NT5C2: variants seen among roughly 807,000 people sequenced by gnomAD.
The protein encoded by NT5C2 is 5'-nucleotidase, cytosolic II, also known as cytosolic purine 5'-nucleotidase.
In NT5C2, 58 loss-of-function variants were observed where a neutral mutation model predicts 76.1. The ratio of observed to expected loss-of-function variants is 0.76; its 90% CI spans 0.62 to 0.95. The LOEUF is 0.95. Ranked by LOEUF, NT5C2 falls within the 40% of genes least tolerant of loss-of-function variation. NT5C2 has a pLI of 0.00. For synonymous variants in NT5C2, 229 were observed against 237.4 expected, an observed-to-expected ratio of 0.96 and a Z score of 0.32; for missense variants, 478 against 690.3, an observed-to-expected ratio of 0.69 and a Z score of 3.45.
intron 2 of NT5C2, among the ~76,000 whole-genome samples, chr10:103,177,809 T>C (rs2090296066): frequency 6.6e-6 from 1 of 152,218 alleles, no homozygotes. Context: ...GAAATTCACA[T>C]AAAATTGGCC....
chr10:103,168,104 T>TA (rs572645262), intron 3 of NT5C2, among the ~76,000 whole-genome samples: 23,060 of 140,514 alleles, frequency 0.16, 1,792 homozygotes, highest in Middle Eastern at 0.23. Flanking sequence ...AAACTGCAAC[T>TA]AAAAAAAAAA....
At chr10:103,176,700 T>C (rs1016920385) in intron 2 of NT5C2, among the ~76,000 whole-genome samples, 1 of 152,138 alleles carries the variant, frequency 6.6e-6, no homozygotes, top group Non-Finnish European at 1.5e-5. Context: ...AGGGGGTCTC[T>C]ACAAAAAGTG....
At chr10:103,174,188 C>T (rs796311587) in intron 3 of NT5C2, among the ~76,000 whole-genome samples, 21 of 152,152 alleles carry the variant, frequency 1.4e-4, no homozygotes, top group African/African-American at 4.6e-4. Flanking sequence ...GGGGAGATCA[C>T]TTGAGGCCAG....
At position 103,183,262 on chromosome 10, in the gene NT5C2, G is replaced by GATACATATAT. The variant is rs1554841573; in HGVS notation, c.-168-1935_-168-1934insATATATGTAT. Among the ~76,000 whole-genome samples the GATACATATAT allele has an allele frequency of 1.0e-3, 77 of 73,372 alleles. 1 individual carries two copies. Among genetic ancestry groups the GATACATATAT allele is most frequent in the Non-Finnish European group, 1.4e-3 (59 of 42,638 alleles). The allele number at this position is 73,372 out of a possible 152,430, so 48.1% of individuals were successfully genotyped here. ...GAGATATATATATATGTGTGTGTGT[G>GATACATATAT]ATATATATATATATATATATATATA... On this transcript the variant is annotated intron_variant, in intron 1 of 18. Coordinates refer to ENST00000404739, the MANE Select transcript of NT5C2 (RefSeq NM_001351169.2).
intron 3 of NT5C2, among the ~76,000 whole-genome samples, chr10:103,144,057 C>T (rs1253245117): frequency 1.3e-5 from 2 of 152,136 alleles, no homozygotes; most frequent in African/African-American, 4.8e-5. Flanking sequence ...AAAGCATCTA[C>T]TTTATTATAT....
intron 4 of NT5C2, among the ~76,000 whole-genome samples, chr10:103,115,452 T>C (rs1214879917): frequency 6.6e-6 from 1 of 152,182 alleles, no homozygotes; most frequent in East Asian, 1.9e-4. Context: ...GAAAAATTCA[T>C]CTTAATAACT....
chr10:103,127,626 T>C (rs1482072700), intron 4 of NT5C2, among the ~76,000 whole-genome samples: 1 of 152,214 alleles, frequency 6.6e-6, no homozygotes, highest in African/African-American at 2.4e-5. Flanking sequence ...CAATTTCTCT[T>C]TTAACAAACT....
At position 103,098,931 on chromosome 10, in the gene NT5C2, A is replaced by G; in HGVS notation, c.687T>C (p.Asp229=). The part of the protein sequence containing the change: ...VENLEKYVVK[D]GKLPLLLSRM... ...ATCTATTTTCCCCTATATTACTTAC[A>G]TCTTTGACTACATACTTCTCAAGAT... Residue 229 remains aspartate, a splice_region_variant and synonymous_variant, in exon 10 of 19, where the codon GAT becomes GAC. Transcript: ENST00000404739. 1.2e-6 allele frequency: 2 copies of G among 1,600,748 alleles called. No individual in the cohort carries two copies. The highest frequency in any genetic ancestry group is 1.7e-6 in the Non-Finnish European group (2 of 1,169,194).
rs1189849998 is a variant in NT5C2, at chr10:103,178,897, CCT to C, written c.-25+2286_-25+2287del. Among the ~76,000 whole-genome samples the C allele has an allele frequency of 1.0e-4, 15 of 148,440 alleles. No homozygotes were observed. The South Asian group carries it at 2.1e-3, about 21-fold the overall frequency. On this transcript the variant is annotated intron_variant, in intron 2 of 18. Coordinates refer to ENST00000404739, the MANE Select transcript of NT5C2 (RefSeq NM_001351169.2). ...TTGCTCTGTAAACAGAGTGGTCATT[CCT>C]CTGTTTCCTCTACGTTTTCTCTGTA... is the stretch of plus-strand genomic sequence containing the variant.
rs1411931510 is a variant in NT5C2 at position 103,090,026 on chromosome 10, G to A, written c.1450-118C>T. On this transcript the variant is annotated intron_variant, in intron 18 of 18. Coordinates refer to ENST00000404739, the MANE Select transcript of NT5C2 (RefSeq NM_001351169.2). ...CAATTACATCTATAATGGACCACAG[G>A]ACAAGTCAATATAGACTTATCTTCA... The A allele has an allele frequency of 1.4e-6, 1 of 709,376 alleles. No homozygotes were observed. The highest frequency in any genetic ancestry group is 2.2e-5 in the South Asian group (1 of 45,708). 43.9% of individuals were successfully genotyped at this position (709,376 alleles called of 1,614,324 possible).
At chr10:103,152,392 T>C (rs1265021888) in intron 3 of NT5C2, among the ~76,000 whole-genome samples, 1 of 152,188 alleles carries the variant, frequency 6.6e-6, no homozygotes, top group Non-Finnish European at 1.5e-5. Flanking sequence ...CGTTATTCAA[T>C]AATGAAATCT....
At chr10:103,180,320 A>C (rs2135192637) in intron 2 of NT5C2, among the ~76,000 whole-genome samples, 1 of 152,354 alleles carries the variant, frequency 6.6e-6, no homozygotes. Flanking sequence ...AAAAGGCACA[A>C]GCACTCTGGA....
intron 3 of NT5C2, among the ~76,000 whole-genome samples, chr10:103,147,852 A>G (rs1214521350): frequency 6.6e-6 from 1 of 152,164 alleles, no homozygotes; most frequent in Admixed American, 6.5e-5. Context: ...TAATGGGTAC[A>G]GGGTTTCTTG....
At chr10:103,099,465 C>G (rs1480147042) in intron 9 of NT5C2, among the ~76,000 whole-genome samples, 6 of 152,104 alleles carry the variant, frequency 3.9e-5, no homozygotes, top group African/African-American at 1.2e-4. Flanking sequence ...TTGCTGCAAC[C>G]CTGCCTCTAA....
chr10:103,152,515 CA>C (rs2082581054), intron 3 of NT5C2, among the ~76,000 whole-genome samples: 2 of 151,882 alleles, frequency 1.3e-5, no homozygotes, highest in Admixed American at 6.6e-5. Context: ...TCTTACAGAA[CA>C]AAAGAACTAG....
chr10:103,100,205 G>C (rs567096514), intron 8 of NT5C2, among the ~76,000 whole-genome samples, 186 bp from the exon 9 acceptor site: 1 of 152,296 alleles, frequency 6.6e-6, no homozygotes, highest in East Asian at 1.9e-4. Context: ...GTGTTCAATG[G>C]AATACAGTAA....
intron 1 of NT5C2, among the ~76,000 whole-genome samples, chr10:103,192,908 G>A (rs967526716): frequency 6.6e-6 from 1 of 152,190 alleles, no homozygotes; most frequent in East Asian, 1.9e-4. Flanking sequence ...CGCGCTGGGA[G>A]GCTGAGGCGG....
At chr10:103,132,560 T>C (rs2078406976) in intron 4 of NT5C2, among the ~76,000 whole-genome samples, 1 of 152,128 alleles carries the variant, frequency 6.6e-6, no homozygotes, top group South Asian at 2.1e-4. Context: ...TCTTTTTTTT[T>C]TGAGACGGAA....
At chr10:103,134,542 CAGA>C (rs2078824416) in intron 4 of NT5C2, among the ~76,000 whole-genome samples, 1 of 152,194 alleles carries the variant, frequency 6.6e-6, no homozygotes, top group Non-Finnish European at 1.5e-5. Context: ...GATGTCCAGG[CAGA>C]AGTTTGCTGC....
Sources: allele counts gnomAD v4.1 joint callset (sites outside exome capture counted in the v4.1 genomes callset), GRCh38; gene constraint gnomAD v4.1.1; transcripts MANE v1.5; gene names NCBI Gene and HGNC (gene_info 2026-07-23, HGNC 2026-07-21).